The following NSL1 variants were observed in gnomAD, a reference collection of about 807,000 sequenced individuals.
The protein encoded by NSL1 is NSL1 component of MIS12 kinetochore complex.
A neutral mutation model predicts 25.4 loss-of-function variants in NSL1; 11 were observed. The observed-to-expected ratio is 0.43, with a 90% CI of 0.27 to 0.72. NSL1 has a LOEUF of 0.72. NSL1 is among the 30% of genes least tolerant of loss of function. NSL1 has a pLI of 0.19. For missense variants in NSL1, 330 were observed against 342.7 expected, an observed-to-expected ratio of 0.96 and a Z score of 0.29; for synonymous variants, 118 against 120.6, an observed-to-expected ratio of 0.98 and a Z score of 0.14.
chr1:212,736,660 C>T lies in NSL1; in HGVS notation c.*1748G>A. On this transcript the variant is annotated 3_prime_UTR_variant, in exon 6 of 6. Transcript: ENST00000366977. Reference sequence around the variant, plus strand: ...TTGGGCTCTCAAGAGGATTTCAAATCTCAGCTGTCTGCCTGGGGACTTTAA... The same window carrying T: ...TTGGGCTCTCAAGAGGATTTCAAATTTCAGCTGTCTGCCTGGGGACTTTAA... 1.0e-6 allele frequency: 1 copy of T among 984,896 alleles called. No individual in the cohort carries two copies. Among genetic ancestry groups the T allele is most frequent in the Non-Finnish European group, 1.2e-6 (1 of 829,442 alleles). 61.0% of individuals were successfully genotyped at this position (984,896 alleles called of 1,614,324 possible).
Position 212,729,453 on chromosome 1 carries a change from C to T in NSL1, c.*8955G>A, listed in dbSNP as rs778722625. On this transcript the variant is annotated 3_prime_UTR_variant, in exon 6 of 6. Transcript: ENST00000366977. ...GGTGTGGCTACGAAAAATCATTTTA[C>T]AATATTGTCTGGCACATGGCTGGGA... The T allele has an allele frequency of 4.4e-5, 43 of 985,388 alleles. No homozygotes were observed. Among genetic ancestry groups the T allele is most frequent in the Admixed American group, 3.1e-4 (5 of 16,278 alleles). The allele number at this position is 985,388 out of a possible 1,614,324, so 61.0% of individuals were successfully genotyped here.
At position 212,734,428 on chromosome 1, in the gene NSL1, A is replaced by T. The variant is rs1393076264; in HGVS notation, c.*3980T>A. Reference sequence around the variant, plus strand: ...ATATAAAACTTAAATAAAGTGCAGAAATTTTAAGTGTATAGTTCAACAAAA... The same window carrying T: ...ATATAAAACTTAAATAAAGTGCAGATATTTTAAGTGTATAGTTCAACAAAA... On this transcript the variant is annotated 3_prime_UTR_variant, in exon 6 of 6. Transcript: ENST00000366977. Among the ~76,000 whole-genome samples, 1 of 152,230 alleles carries T rather than the reference A, an allele frequency of 6.6e-6. No homozygotes were observed. Among genetic ancestry groups the T allele is most frequent in the Non-Finnish European group, 1.5e-5 (1 of 68,044 alleles).
rs544598335 is a variant in NSL1 at position 212,735,248 on chromosome 1, A to T, written c.*3160T>A. The T allele has an allele frequency of 2.2e-6, 2 of 912,102 alleles. No individual in the cohort carries two copies. The highest frequency in any genetic ancestry group is 2.6e-6 in the Non-Finnish European group (2 of 763,458). The allele number at this position is 912,102 out of a possible 1,614,324, so 56.5% of individuals were successfully genotyped here. ...CATTGAACTAATAATGGTAGAACTG[A>T]AATCTGAACTCAGATGATCTGGCTT... On this transcript the variant is annotated 3_prime_UTR_variant, in exon 6 of 6. Transcript: ENST00000366977.
chr1:212,744,796 G>A (rs1658681329), intron 4 of NSL1, among the ~76,000 whole-genome samples: 1 of 152,118 alleles, frequency 6.6e-6, no homozygotes, highest in Non-Finnish European at 1.5e-5. Flanking sequence ...CTTGAAGGTA[G>A]GCCAAATGAA....
At position 212,739,726 on chromosome 1, in the gene NSL1, C is replaced by G. The variant is rs185756548; in HGVS notation, c.500-125G>C. ...ACAAAAATCTGCTAGGACGATTCAC[C>G]TCAGCTTAATCTTTCTCAGAGTGAG... On this transcript the variant is annotated intron_variant, in intron 4 of 5. Transcript: ENST00000366977. 985 of 787,020 alleles carry G rather than the reference C, an allele frequency of 1.3e-3. 4 individuals are homozygous for G. Among genetic ancestry groups the G allele is most frequent in the African/African-American group, 9.9e-3 (566 of 57,244 alleles). 48.8% of individuals were successfully genotyped at this position (787,020 alleles called of 1,614,324 possible).
chr1:212,784,525 A>C lies in NSL1; in HGVS notation c.314-32T>G, dbSNP rs752983154. 2.1e-6 allele frequency: 3 copies of C among 1,402,114 alleles called. No individual in the cohort carries two copies. In the South Asian group the frequency reaches 4.1e-5, roughly 19 times the overall value. The allele number at this position is 1,402,114 out of a possible 1,614,324, so 86.9% of individuals were successfully genotyped here. On this transcript the variant is annotated intron_variant, in intron 2 of 5. Coordinates refer to ENST00000366977, the MANE Select transcript of NSL1 (RefSeq NM_015471.4). ...GAGAAAAAAAAATGTATATATAAAAAGTTCCCTAAAACTCATTGTTTACAT... is the reference window on the plus strand; with the variant it reads ...GAGAAAAAAAAATGTATATATAAAACGTTCCCTAAAACTCATTGTTTACAT...
intron 4 of NSL1, among the ~76,000 whole-genome samples, chr1:212,771,298 G>C (rs1260173503): frequency 6.6e-6 from 1 of 152,060 alleles, no homozygotes; most frequent in Non-Finnish European, 1.5e-5. Context: ...TGGGCAATAA[G>C]TGCAAAACTC....
rs1571855593 is a variant in NSL1 at position 212,732,182 on chromosome 1, TTTTG to T, written c.*6222_*6225del. Reference sequence around the variant, plus strand: ...TACTGTAGTGAATAACTGCCTTATTTTTTGTTTCTTTGAACATCTTAATCATATT... The same window carrying T: ...TACTGTAGTGAATAACTGCCTTATTTTTTCTTTGAACATCTTAATCATATT... On this transcript the variant is annotated 3_prime_UTR_variant, in exon 6 of 6. Transcript: ENST00000366977. The T allele has an allele frequency of 2.0e-6, 2 of 984,682 alleles. No individual in the cohort carries two copies. Among genetic ancestry groups the T allele is most frequent in the South Asian group, 4.7e-5 (1 of 21,284 alleles). The allele number at this position is 984,682 out of a possible 1,614,324, so 61.0% of individuals were successfully genotyped here.
At chr1:212,759,247 G>C (rs1659449274) in intron 4 of NSL1, among the ~76,000 whole-genome samples, 1 of 152,180 alleles carries the variant, frequency 6.6e-6, no homozygotes, top group African/African-American at 2.4e-5. Context: ...ACATCATCAA[G>C]AAAGTGAGAT....
At chr1:212,777,476 C>A (rs1368436623) in intron 4 of NSL1, among the ~76,000 whole-genome samples, 1 of 152,060 alleles carries the variant, frequency 6.6e-6, no homozygotes, top group African/African-American at 2.4e-5. Flanking sequence ...AACTAGAATA[C>A]TATATACAAT....
intron 4 of NSL1, chr1:212,766,156 AC>A: frequency 1.8e-6 from 1 of 558,634 alleles, no homozygotes; most frequent in Non-Finnish European, 3.2e-6. Flanking sequence ...AAACAAAAAA[AC>A]CCTCAACAAA....
At position 212,735,360 on chromosome 1, in the gene NSL1, T is replaced by TA. The variant is rs1310344759; in HGVS notation, c.*3047_*3048insT. 1.0e-6 allele frequency: 1 copy of TA among 985,150 alleles called. No individual in the cohort carries two copies. Among genetic ancestry groups the TA allele is most frequent in the Non-Finnish European group, 1.2e-6 (1 of 829,888 alleles). 61.0% of individuals were successfully genotyped at this position (985,150 alleles called of 1,614,324 possible). On this transcript the variant is annotated 3_prime_UTR_variant, in exon 6 of 6. Coordinates refer to ENST00000366977, the MANE Select transcript of NSL1 (RefSeq NM_015471.4). ...GAACAGATGAATAAATGAATGAAGG[T>TA]GGATAGAGAAGATAGGTGTTCACCA...
chr1:212,771,596 A>G (rs965139698), intron 4 of NSL1, among the ~76,000 whole-genome samples: 15 of 137,942 alleles, frequency 1.1e-4, no homozygotes, highest in African/African-American at 4.0e-4. Flanking sequence ...ATAGAGAAAA[A>G]CCTAAAGACT....
At chr1:212,752,988 T>A (rs1404622808) in intron 4 of NSL1, among the ~76,000 whole-genome samples, 4 of 152,138 alleles carry the variant, frequency 2.6e-5, no homozygotes, top group African/African-American at 4.8e-5. Flanking sequence ...ATGTGTGGCT[T>A]CTACTGGTTT....
At chr1:212,761,934 A>C (rs1241730303) in intron 4 of NSL1, among the ~76,000 whole-genome samples, 1 of 150,868 alleles carries the variant, frequency 6.6e-6, no homozygotes, top group Non-Finnish European at 1.5e-5. Flanking sequence ...CTTGGGCCAC[A>C]CATAAAATAC....
At chr1:212,768,960 T>C (rs180761612) in intron 4 of NSL1, among the ~76,000 whole-genome samples, 3 of 152,204 alleles carry the variant, frequency 2.0e-5, no homozygotes, top group East Asian at 3.9e-4. Flanking sequence ...GGAGGATCCC[T>C]TGAGCCTCCC....
chr1:212,747,128 CAAA>C (rs138411233), intron 4 of NSL1, among the ~76,000 whole-genome samples: 13 of 128,198 alleles, frequency 1.0e-4, no homozygotes, highest in Admixed American at 1.5e-4. Flanking sequence ...GGCGACAGAG[CAAA>C]AAAAAAAAAA....
intron 1 of NSL1, among the ~76,000 whole-genome samples, chr1:212,789,804 A>T (rs1190538989): frequency 6.6e-6 from 1 of 152,208 alleles, no homozygotes. Context: ...TTTCTGTAAG[A>T]CACCTAAATG....
At chr1:212,763,638 T>C (rs1428701354) in intron 4 of NSL1, among the ~76,000 whole-genome samples, 1 of 152,186 alleles carries the variant, frequency 6.6e-6, no homozygotes, top group Non-Finnish European at 1.5e-5. Context: ...GTTATTCTTA[T>C]ATCAGACAAA....
Sources: allele counts gnomAD v4.1 joint callset (sites outside exome capture counted in the v4.1 genomes callset), GRCh38; gene constraint gnomAD v4.1.1; transcripts MANE v1.5; gene names NCBI Gene and HGNC (gene_info 2026-07-23, HGNC 2026-07-21).